The following SIPA1L1 variants were observed in gnomAD, a reference collection of about 807,000 sequenced individuals.
SIPA1L1 encodes signal induced proliferation associated 1 like 1.
A neutral mutation model predicts 162.7 loss-of-function variants in SIPA1L1; 26 were observed. The observed-to-expected ratio is 0.16, with a 90% CI of 0.12 to 0.22. The LOEUF (loss-of-function observed/expected upper bound fraction) is 0.22. SIPA1L1 is among the 10% of genes least tolerant of loss of function. The probability of loss-of-function intolerance (pLI) is 1.00; values close to 1 mark genes in which losing one functional copy is unlikely to be tolerated. For synonymous variants in SIPA1L1, 829 were observed against 837.4 expected (o/e 0.99, Z 0.17); for missense variants, 1,874 against 2,241.0 (o/e 0.84, Z 3.31).
intron 2 of SIPA1L1, among the ~76,000 whole-genome samples, chr14:71,438,216 T>G (rs1200305092): frequency 2.0e-5 from 3 of 152,068 alleles, no homozygotes; most frequent in Non-Finnish European, 4.4e-5. Context: ...CTAGGTATGC[T>G]TTTTTTTCTC....
intron 2 of SIPA1L1, among the ~76,000 whole-genome samples, chr14:71,456,550 A>G (rs2046202494): frequency 6.6e-6 from 1 of 152,216 alleles, no homozygotes; most frequent in Non-Finnish European, 1.5e-5. Flanking sequence ...TAGCCCAGGA[A>G]TTACAGCCAA....
chr14:71,705,019 G>A, intron 15 of SIPA1L1: 1 of 611,080 alleles, frequency 1.6e-6, no homozygotes, highest in Middle Eastern at 3.5e-4. Flanking sequence ...GTGACAAGTT[G>A]TCACCAGCTG....
intron 5 of SIPA1L1, among the ~76,000 whole-genome samples, chr14:71,616,166 C>G (rs2038812514): frequency 6.6e-6 from 1 of 152,092 alleles, no homozygotes; most frequent in Admixed American, 6.5e-5. Flanking sequence ...CTAGAACAGC[C>G]AGAGCGGTAG....
At chr14:71,425,521 A>G (rs1354320324) in intron 2 of SIPA1L1, among the ~76,000 whole-genome samples, 2 of 152,090 alleles carry the variant, frequency 1.3e-5, no homozygotes, top group Non-Finnish European at 2.9e-5. Flanking sequence ...TGTTTTGTGG[A>G]AATAGTTTTA....
intron 4 of SIPA1L1, among the ~76,000 whole-genome samples, chr14:71,542,685 C>T (rs2054567130): frequency 9.1e-6 from 1 of 109,700 alleles, no homozygotes; most frequent in South Asian, 3.5e-4. Context: ...CCTCCTCCTT[C>T]CTTCTCCCTT....
At chr14:71,700,425 A>T (rs1383325723) in intron 14 of SIPA1L1, among the ~76,000 whole-genome samples, 1 of 152,250 alleles carries the variant, frequency 6.6e-6, no homozygotes, top group Non-Finnish European at 1.5e-5. Flanking sequence ...CATGCCTTTT[A>T]AAAAAGTCTT....
At chr14:71,478,792 G>A (rs1271196797) in intron 2 of SIPA1L1, among the ~76,000 whole-genome samples, 2 of 152,140 alleles carry the variant, frequency 1.3e-5, no homozygotes, top group African/African-American at 4.8e-5. Flanking sequence ...CCAAGAGGCA[G>A]AAAGACAGAG....
At chr14:71,470,343 A>T (rs1247895169) in intron 2 of SIPA1L1, among the ~76,000 whole-genome samples, 1 of 152,226 alleles carries the variant, frequency 6.6e-6, no homozygotes, top group African/African-American at 2.4e-5. Flanking sequence ...TGGGATTTAG[A>T]ATCTGGACAA....
intron 2 of SIPA1L1, among the ~76,000 whole-genome samples, chr14:71,412,845 T>A (rs1595325347): frequency 6.6e-6 from 1 of 152,224 alleles, no homozygotes; most frequent in Admixed American, 6.5e-5. Flanking sequence ...TTTTAGAAAT[T>A]GGTACATGTG....
chr14:71,332,316 T>A (rs2034637796), intron 2 of SIPA1L1, among the ~76,000 whole-genome samples: 1 of 152,208 alleles, frequency 6.6e-6, no homozygotes, highest in Non-Finnish European at 1.5e-5. Flanking sequence ...TAGCTGATAC[T>A]CTTCTAGTGA....
chr14:71,703,710 T>C (rs2082250205), intron 15 of SIPA1L1, among the ~76,000 whole-genome samples: 1 of 152,210 alleles, frequency 6.6e-6, no homozygotes, highest in Non-Finnish European at 1.5e-5. Flanking sequence ...AGCGGCTTTT[T>C]TTGGCTCCTA....
intron 17 of SIPA1L1, among the ~76,000 whole-genome samples, chr14:71,716,345 G>T (rs2083272622): frequency 6.6e-6 from 1 of 152,090 alleles, no homozygotes; most frequent in Non-Finnish European, 1.5e-5. Context: ...CCTCTCCTTG[G>T]TATTAGACCA....
chr14:71,339,161 C>G (rs376611268), intron 2 of SIPA1L1, among the ~76,000 whole-genome samples: 2 of 152,180 alleles, frequency 1.3e-5, no homozygotes, highest in African/African-American at 4.8e-5. Flanking sequence ...CATGTGATTT[C>G]TCCTCAGGTA....
chr14:71,702,959 A>AG (rs1392403919), intron 15 of SIPA1L1, among the ~76,000 whole-genome samples: 1 of 152,212 alleles, frequency 6.6e-6, no homozygotes, highest in Non-Finnish European at 1.5e-5. Flanking sequence ...TTTAAAAAAA[A>AG]TTCTTCTCAC....
chr14:71,514,480 C>T (rs571258441), intron 3 of SIPA1L1, among the ~76,000 whole-genome samples: 1 of 152,188 alleles, frequency 6.6e-6, no homozygotes, highest in African/African-American at 2.4e-5. Context: ...TAGGAAGCTG[C>T]TGATCACCAG....
intron 5 of SIPA1L1, among the ~76,000 whole-genome samples, chr14:71,597,870 A>T (rs566330284): frequency 1.5e-4 from 23 of 152,270 alleles, no homozygotes; most frequent in Admixed American, 7.2e-4. Flanking sequence ...GTTCTGCATG[A>T]TGATTTCTAT....
rs2152889249 is a variant in SIPA1L1, at chr14:71,740,125, T to C, written c.*964T>C. ...GAAAATGACCATATCTCTAAATTAATCTTTCTCTCCAGAGCAAGACTTCAC... is the reference window on the plus strand; with the variant it reads ...GAAAATGACCATATCTCTAAATTAACCTTTCTCTCCAGAGCAAGACTTCAC... On this transcript the variant is annotated 3_prime_UTR_variant, in exon 24 of 24. Transcript: ENST00000381232. The C allele has an allele frequency of 6.6e-6, 1 of 152,330 alleles. No individual in the cohort carries two copies. The highest frequency in any genetic ancestry group is 3.4e-3 in the Middle Eastern group (1 of 294). 9.4% of individuals were successfully genotyped at this position (152,330 alleles called of 1,614,324 possible).
intron 4 of SIPA1L1, among the ~76,000 whole-genome samples, chr14:71,568,914 T>A (rs1275767570): frequency 6.6e-6 from 1 of 152,184 alleles, no homozygotes; most frequent in East Asian, 1.9e-4. Context: ...AGTTGATATT[T>A]TAGCTATATT....
At chr14:71,562,185 G>T (rs976925762) in intron 4 of SIPA1L1, among the ~76,000 whole-genome samples, 6 of 151,422 alleles carry the variant, frequency 4.0e-5, no homozygotes, top group African/African-American at 1.5e-4. Context: ...GGGATACTAT[G>T]GTCAGTATAA....
Sources: allele counts gnomAD v4.1 joint callset (sites outside exome capture counted in the v4.1 genomes callset), GRCh38; gene constraint gnomAD v4.1.1; transcripts MANE v1.5; gene names NCBI Gene and HGNC (gene_info 2026-07-23, HGNC 2026-07-21).